Variants in GAS2 observed in about 807,000 individuals in gnomAD.
GAS2 encodes growth arrest-specific protein 2.
Under a neutral mutation model 37.5 loss-of-function variants are expected in GAS2, and 20 were observed. The observed-to-expected ratio is 0.53, with a 90% CI of 0.37 to 0.77. The LOEUF is 0.77. Among genes scored for constraint, GAS2 ranks in the 30% least tolerant of loss-of-function variants. The probability of loss-of-function intolerance (pLI) is 0.00; values close to 1 mark genes in which losing one functional copy is unlikely to be tolerated. For synonymous variants in GAS2, 144 were observed against 132.2 expected (o/e 1.09, Z -0.61); for missense variants, 336 against 373.4 (o/e 0.90, Z 0.82).
At chr11:22,764,072 T>C (rs1349789160) in intron 7 of GAS2, among the ~76,000 whole-genome samples, 1 of 152,244 alleles carries the variant, frequency 6.6e-6, no homozygotes, top group Non-Finnish European at 1.5e-5. Flanking sequence ...CTATAGTCTC[T>C]AAGATAGGCA....
At chr11:22,646,760 G>C (rs1296267845) in intron 1 of GAS2, among the ~76,000 whole-genome samples, 1 of 151,968 alleles carries the variant, frequency 6.6e-6, no homozygotes, top group African/African-American at 2.4e-5. Flanking sequence ...ACGGTAAATG[G>C]CCTAGTTAAG....
chr11:22,703,793 A>T (rs1185375137), intron 3 of GAS2, among the ~76,000 whole-genome samples: 1 of 152,140 alleles, frequency 6.6e-6, no homozygotes, highest in Non-Finnish European at 1.5e-5. Flanking sequence ...CTATTGTTTG[A>T]CTTAGCAGTT....
chr11:22,803,119 C>G (rs748888679), intron 7 of GAS2, among the ~76,000 whole-genome samples: 1 of 152,052 alleles, frequency 6.6e-6, no homozygotes, highest in Admixed American at 6.6e-5. Flanking sequence ...TGCATTGATG[C>G]TACTGGTCAA....
chr11:22,674,089 T>C (rs1470451869), intron 1 of GAS2, among the ~76,000 whole-genome samples: 1 of 152,236 alleles, frequency 6.6e-6, no homozygotes, highest in Non-Finnish European at 1.5e-5. Flanking sequence ...GGCTATTCCA[T>C]TTTGTAAAAA....
chr11:22,716,873 T>A (rs900163843), intron 3 of GAS2, among the ~76,000 whole-genome samples: 1 of 152,016 alleles, frequency 6.6e-6, no homozygotes, highest in African/African-American at 2.4e-5. Flanking sequence ...GAGAATCAAA[T>A]CAAGAACTCA....
upstream of GAS2, among the ~76,000 whole-genome samples, chr11:22,666,192 G>T (rs2133851408): frequency 6.6e-6 from 1 of 152,288 alleles, no homozygotes; most frequent in South Asian, 2.1e-4. Flanking sequence ...AGAAGGAAGG[G>T]TGGAATTGTA....
At chr11:22,679,410 C>T (rs1256651754) in intron 2 of GAS2, among the ~76,000 whole-genome samples, 6 of 151,970 alleles carry the variant, frequency 3.9e-5, no homozygotes, top group Non-Finnish European at 8.8e-5. Flanking sequence ...TATATTAGAA[C>T]ATGAAATGCA....
chr11:22,669,937 A>G (rs963678777), intron 1 of GAS2, among the ~76,000 whole-genome samples: 20 of 152,152 alleles, frequency 1.3e-4, no homozygotes, highest in African/African-American at 4.3e-4. Context: ...TTGAAAATGT[A>G]TATTTTGTGA....
intron 4 of GAS2, among the ~76,000 whole-genome samples, chr11:22,726,902 CATTT>C (rs1180492122): frequency 2.0e-5 from 3 of 152,140 alleles, no homozygotes; most frequent in Non-Finnish European, 4.4e-5. Context: ...ATTACTCATT[CATTT>C]ATTTATTTTT....
chr11:22,654,728 A>G (rs73474143), intron 1 of GAS2, among the ~76,000 whole-genome samples: 7,679 of 152,220 alleles, frequency 0.05, 372 homozygotes, highest in East Asian at 0.28. Flanking sequence ...ACATGCAAGA[A>G]CTCATAGGTC....
rs935204994 is a variant in GAS2, at chr11:22,652,916, C to T, written c.-20-21934C>T. Among the ~76,000 whole-genome samples, 10 of 152,170 alleles carry T rather than the reference C, an allele frequency of 6.6e-5. No individual in the cohort carries two copies. The South Asian group carries it at 8.3e-4, about 13-fold the overall frequency. ...TCACGCTGGGAGCTGTAGACCGGAG[C>T]GGTTCCTATTCGGCCATCTTGGCTC... On this transcript the variant is annotated intron_variant, in intron 1 of 5. Coordinates refer to the GAS2 transcript ENST00000528582.
intron 6 of GAS2, among the ~76,000 whole-genome samples, chr11:22,749,501 TAA>T (rs1476657212): frequency 6.6e-6 from 1 of 152,000 alleles, no homozygotes; most frequent in African/African-American, 2.4e-5. Flanking sequence ...TTTAGAATAA[TAA>T]GTCAACTCCC....
At chr11:22,687,582 G>A (rs534076194) in intron 3 of GAS2, among the ~76,000 whole-genome samples, 1 of 152,286 alleles carries the variant, frequency 6.6e-6, no homozygotes, top group African/African-American at 2.4e-5. Flanking sequence ...AACTTTGCAA[G>A]TTTAATGCTC....
chr11:22,782,727 CAA>C (rs34232571), intron 7 of GAS2, among the ~76,000 whole-genome samples: 2 of 119,614 alleles, frequency 1.7e-5, no homozygotes, highest in African/African-American at 3.1e-5. Context: ...CATGTTGCTG[CAA>C]AAAAAAAAAA....
chr11:22,781,611 T>C (rs529690566), intron 7 of GAS2, among the ~76,000 whole-genome samples: 4 of 152,176 alleles, frequency 2.6e-5, no homozygotes, highest in African/African-American at 2.4e-5. Context: ...TAACAACTTA[T>C]AGATTTTCAC....
intron 2 of GAS2, among the ~76,000 whole-genome samples, chr11:22,678,999 A>G (rs1474594896): frequency 6.6e-6 from 1 of 152,112 alleles, no homozygotes; most frequent in Non-Finnish European, 1.5e-5. Flanking sequence ...AATACCAGCT[A>G]TCTTGTAATG....
At chr11:22,682,090 T>C (rs190872558) in intron 2 of GAS2, among the ~76,000 whole-genome samples, 2 of 152,052 alleles carry the variant, frequency 1.3e-5, no homozygotes, top group Non-Finnish European at 2.9e-5. Flanking sequence ...AGTCTGTTTT[T>C]GCCAAAAAAA....
Position 22,626,468 on chromosome 11 carries a change from G to C in GAS2, c.-21+655G>C, listed in dbSNP as rs1858655204. The C allele has an allele frequency of 1.3e-5, 2 of 154,140 alleles. 1 individual carries two copies. The highest frequency in any genetic ancestry group is 3.9e-4 in the South Asian group (2 of 5,088). The allele number at this position is 154,140 out of a possible 1,614,324, so 9.5% of individuals were successfully genotyped here. On this transcript the variant is annotated intron_variant, in intron 1 of 5. Transcript: ENST00000528582. ...TTTTCGTAATTTTTAGGACAAAATA[G>C]CTTAATTGACTCTTCTGTCATACAA...
chr11:22,755,744 T>A, intron 6 of GAS2, 102 bp from the exon 7 acceptor site: 1 of 706,766 alleles, frequency 1.4e-6, no homozygotes, highest in Non-Finnish European at 2.4e-6. Flanking sequence ...AAATAACAAG[T>A]TTAAAGTCAT....
Sources: gnomAD v4.1 joint callset for allele counts (sites outside exome capture counted in the v4.1 genomes callset) on GRCh38, gnomAD v4.1.1 for gene constraint, MANE v1.5 for transcripts, NCBI Gene and HGNC (gene_info 2026-07-23, HGNC 2026-07-21) for gene names.